Variants in NEK4 observed in about 807,000 individuals in gnomAD.
NEK4 encodes serine/threonine-protein kinase Nek4.
A neutral mutation model predicts 98.4 loss-of-function variants in NEK4; 86 were observed. That is an observed-to-expected ratio of 0.87 (90% CI 0.73 to 1.05). The LOEUF is 1.05. Ranked by LOEUF, NEK4 falls within the 50% of genes least tolerant of loss-of-function variation. The pLI is 0.00. For missense variants in NEK4, 898 were observed against 950.3 expected, an observed-to-expected ratio of 0.94 and a Z score of 0.72; for synonymous variants, 328 against 342.2, an observed-to-expected ratio of 0.96 and a Z score of 0.46.
intron 15 of NEK4, among the ~76,000 whole-genome samples, chr3:52,715,622 C>G (rs1431260128): frequency 6.6e-6 from 1 of 152,182 alleles, no homozygotes; most frequent in Non-Finnish European, 1.5e-5. Context: ...AACTCCTGAC[C>G]TCATGATCCA....
chr3:52,742,493 G>C (rs555119543), intron 12 of NEK4, among the ~76,000 whole-genome samples: 3 of 152,084 alleles, frequency 2.0e-5, no homozygotes, highest in Non-Finnish European at 4.4e-5. Context: ...AAATGATATA[G>C]TTAAAGAAAT....
chr3:52,770,700 C>T lies in NEK4; in HGVS notation c.47G>A (p.Ser16Asn), dbSNP rs749128065. The T allele has an allele frequency of 4.4e-6, 7 of 1,577,768 alleles. No homozygotes were observed. The East Asian group carries it at 9.3e-5, about 21-fold the overall frequency. Reference sequence around the variant, plus strand: ...CTTCACAAGCGTCACCTCTCCATAGCTCCCCTTGCCCACGACCCGCAGGTA... The same window carrying T: ...CTTCACAAGCGTCACCTCTCCATAGTTCCCCTTGCCCACGACCCGCAGGTA... ...YCYLRVVGKG[S>N]YGEVTLVKHR... is the part of the protein sequence containing the mutation. The change falls in exon 1 of 16, where the codon AGC becomes AAC. Residue 16 changes from serine (S) to asparagine (N), a missense_variant. Ser to Asn is a conservative substitution (Grantham distance 46). Coordinates refer to ENST00000233027, the MANE Select transcript of NEK4 (RefSeq NM_003157.6).
chr3:52,726,901 C>T (rs1188124160), intron 15 of NEK4, among the ~76,000 whole-genome samples: 2 of 151,496 alleles, frequency 1.3e-5, no homozygotes, highest in Admixed American at 1.3e-4. Flanking sequence ...GAGACTCCGT[C>T]TCAAATAAAT....
chr3:52,751,668 T>C (rs2097405309), intron 7 of NEK4, among the ~76,000 whole-genome samples: 1 of 151,944 alleles, frequency 6.6e-6, no homozygotes, highest in South Asian at 2.1e-4. Context: ...AAGCCATAAA[T>C]TGTATGATTC....
intron 2 of NEK4, among the ~76,000 whole-genome samples, chr3:52,767,557 CA>C (rs11368746): frequency 8.8e-4 from 128 of 145,190 alleles, no homozygotes; most frequent in Middle Eastern, 3.6e-3. Flanking sequence ...ACTAAAAATA[CA>C]AAAAAAAAAA....
chr3:52,738,681 A>C (rs2097380523), intron 14 of NEK4, among the ~76,000 whole-genome samples: 1 of 151,702 alleles, frequency 6.6e-6, no homozygotes, highest in South Asian at 2.1e-4. Context: ...AAACTCTTGG[A>C]CTCAAGCAAT....
chr3:52,734,217 C>T (rs7615320), intron 15 of NEK4, among the ~76,000 whole-genome samples: 6,001 of 151,816 alleles, frequency 0.04, 401 homozygotes, highest in African/African-American at 0.14. Context: ...GAGGCCGAGG[C>T]GGGTGGATCA....
chr3:52,734,128 G>A (rs1320607944), intron 15 of NEK4, among the ~76,000 whole-genome samples: 1 of 152,134 alleles, frequency 6.6e-6, no homozygotes, highest in African/African-American at 2.4e-5. Context: ...AGGAGGCCAA[G>A]GCATGTGGAT....
chr3:52,738,999 G>A (rs1222845058), intron 14 of NEK4, among the ~76,000 whole-genome samples: 1 of 152,168 alleles, frequency 6.6e-6, no homozygotes, highest in Non-Finnish European at 1.5e-5. Context: ...ACCTTTTATG[G>A]AGATATGCAA....
intron 4 of NEK4, among the ~76,000 whole-genome samples, chr3:52,764,550 G>A (rs2154106759): frequency 6.6e-6 from 1 of 151,774 alleles, no homozygotes; most frequent in African/African-American, 2.4e-5. Context: ...AGAATGGCGT[G>A]AACCCGAGAG....
intron 15 of NEK4, among the ~76,000 whole-genome samples, chr3:52,731,846 G>A (rs1011538831): frequency 4.6e-5 from 7 of 152,178 alleles, no homozygotes; most frequent in South Asian, 2.1e-4. Context: ...TAATCCCCAC[G>A]TGTCGTGGGA....
At chr3:52,755,318 G>A (rs1435209931) in intron 6 of NEK4, among the ~76,000 whole-genome samples, 2 of 151,830 alleles carry the variant, frequency 1.3e-5, no homozygotes, top group Admixed American at 6.6e-5. Context: ...TGATGAAAAG[G>A]TTTTGGAAGA....
chr3:52,753,915 A>G (rs1192304492), intron 6 of NEK4: 11 of 327,000 alleles, frequency 3.4e-5, no homozygotes, highest in Non-Finnish European at 5.9e-5. Context: ...CACACCTATA[A>G]TCCCAGCACT....
chr3:52,731,584 G>A (rs2097369699), intron 15 of NEK4, among the ~76,000 whole-genome samples: 2 of 152,204 alleles, frequency 1.3e-5, no homozygotes, highest in Admixed American at 1.3e-4. Context: ...GACAACAGGA[G>A]AGCCACATAC....
chr3:52,721,428 A>G (rs1457255355), intron 15 of NEK4, among the ~76,000 whole-genome samples: 2 of 151,996 alleles, frequency 1.3e-5, no homozygotes, highest in East Asian at 3.9e-4. Context: ...ACATTGAAGG[A>G]GCAGGATGTT....
intron 15 of NEK4, among the ~76,000 whole-genome samples, chr3:52,734,505 C>T (rs1578642705): frequency 6.7e-6 from 1 of 149,054 alleles, no homozygotes; most frequent in African/African-American, 2.5e-5. Flanking sequence ...AAACCCTGTC[C>T]CTACTAAAAA....
chr3:52,764,761 T>G (rs1201051056), intron 4 of NEK4, among the ~76,000 whole-genome samples: 2 of 126,746 alleles, frequency 1.6e-5, no homozygotes, highest in Admixed American at 1.6e-4. Context: ...CGCGTGCGCA[T>G]GCACACACAC....
intron 4 of NEK4, among the ~76,000 whole-genome samples, chr3:52,765,188 T>C (rs1698507883): frequency 6.6e-6 from 1 of 151,776 alleles, no homozygotes; most frequent in African/African-American, 2.4e-5. Flanking sequence ...CCGTCTGTAC[T>C]AAAAATACAA....
chr3:52,750,345 T>C (rs1044068561), intron 7 of NEK4, among the ~76,000 whole-genome samples: 5 of 151,984 alleles, frequency 3.3e-5, no homozygotes, highest in Non-Finnish European at 5.9e-5. Context: ...GTCAGGAGTT[T>C]GAGACCAGTC....
Sources: gnomAD v4.1 joint callset for allele counts (sites outside exome capture counted in the v4.1 genomes callset) on GRCh38, gnomAD v4.1.1 for gene constraint, MANE v1.5 for transcripts, NCBI Gene and HGNC (gene_info 2026-07-23, HGNC 2026-07-21) for gene names.